The following HLCS variants were observed in gnomAD, a reference collection of about 807,000 sequenced individuals.
The protein encoded by HLCS is holocarboxylase synthetase.
A neutral mutation model predicts 75.0 loss-of-function variants in HLCS; 53 were observed. The ratio of observed to expected loss-of-function variants is 0.71; its 90% CI spans 0.57 to 0.89. HLCS has a LOEUF of 0.89. Among genes scored for constraint, HLCS ranks in the 40% least tolerant of loss-of-function variants. The pLI is 0.00. For missense variants in HLCS, 966 were observed against 1,074.0 expected (o/e 0.90, Z 1.41); for synonymous variants, 431 against 428.6 (o/e 1.01, Z -0.07).
At chr21:36,809,555 C>G (rs1263171596) in intron 6 of HLCS, among the ~76,000 whole-genome samples, 1 of 152,034 alleles carries the variant, frequency 6.6e-6, no homozygotes, top group African/African-American at 2.4e-5. Flanking sequence ...TCTTTTTCCT[C>G]TGTCATTTTC....
intron 6 of HLCS, among the ~76,000 whole-genome samples, chr21:36,884,984 A>G (rs781000589): frequency 6.6e-6 from 1 of 152,224 alleles, no homozygotes; most frequent in Non-Finnish European, 1.5e-5. Context: ...TTACCTGTGA[A>G]AATGATAACT....
chr21:36,961,539 T>G (rs1392874191), intron 2 of HLCS, among the ~76,000 whole-genome samples: 3 of 151,962 alleles, frequency 2.0e-5, no homozygotes, highest in African/African-American at 7.3e-5. Context: ...CAATAAATTT[T>G]TCTAGCAGCC....
chr21:36,983,822 G>A (rs866968529), intron 1 of HLCS, among the ~76,000 whole-genome samples: 2 of 150,690 alleles, frequency 1.3e-5, no homozygotes, highest in African/African-American at 2.4e-5. Context: ...GGGTGACGCA[G>A]AGAGACTCCG....
Position 36,759,714 on chromosome 21 carries a change from T to A in HLCS, c.2236+13A>T, listed in dbSNP as rs776257581. On this transcript the variant is annotated intron_variant, in intron 9 of 10. Coordinates refer to ENST00000674895, the MANE Select transcript of HLCS (RefSeq NM_001352514.2). Reference sequence around the variant, plus strand: ...AATCTAAAAATGCTGGGGGAAAGGTTTTTGAAACTTACCAATAAGTATATA... The same window carrying A: ...AATCTAAAAATGCTGGGGGAAAGGTATTTGAAACTTACCAATAAGTATATA... The A allele has an allele frequency of 1.6e-5, 23 of 1,477,538 alleles. No homozygotes were observed. The highest frequency in any genetic ancestry group is 1.9e-5 in the Non-Finnish European group (20 of 1,055,420). The allele number at this position is 1,477,538 out of a possible 1,614,324, so 91.5% of individuals were successfully genotyped here.
chr21:36,890,800 A>G (rs1601644518), intron 6 of HLCS, among the ~76,000 whole-genome samples: 2 of 152,224 alleles, frequency 1.3e-5, no homozygotes, highest in East Asian at 3.8e-4. Context: ...TTGAGTAAGC[A>G]CTGAAACAAA....
chr21:36,908,294 T>A (rs772480112), intron 5 of HLCS, among the ~76,000 whole-genome samples: 1 of 151,270 alleles, frequency 6.6e-6, no homozygotes, highest in Non-Finnish European at 1.5e-5. Flanking sequence ...GAGGTTGAGG[T>A]GGCAGGATCA....
At chr21:36,969,568 C>G (rs1171608009), upstream of HLCS, 3 of 143,568 alleles carry the variant, frequency 2.1e-5, no homozygotes, top group Admixed American at 7.7e-5. Flanking sequence ...GAAAATAAGA[C>G]CACAGACTAG....
intron 9 of HLCS, among the ~76,000 whole-genome samples, chr21:36,758,534 C>T (rs1406428466): frequency 6.6e-6 from 1 of 152,142 alleles, no homozygotes; most frequent in African/African-American, 2.4e-5. Context: ...GCCTCAGTCT[C>T]GCAAGTAGCT....
chr21:36,851,079 C>T (rs536196386), intron 6 of HLCS, among the ~76,000 whole-genome samples: 1 of 152,194 alleles, frequency 6.6e-6, no homozygotes, highest in South Asian at 2.1e-4. Flanking sequence ...CCCCTCCCTC[C>T]ATGGAAAAAC....
chr21:36,810,872 A>T (rs771623084), intron 6 of HLCS, among the ~76,000 whole-genome samples: 2 of 152,206 alleles, frequency 1.3e-5, no homozygotes, highest in Non-Finnish European at 1.5e-5. Flanking sequence ...AAGATCCAAG[A>T]GGCCCTGTCA....
intron 5 of HLCS, among the ~76,000 whole-genome samples, chr21:36,897,548 G>A (rs2065062947): frequency 6.6e-6 from 1 of 152,126 alleles, no homozygotes; most frequent in African/African-American, 2.4e-5. Context: ...AGAAAACCCT[G>A]GGTGAAAGAA....
intron 4 of HLCS, among the ~76,000 whole-genome samples, chr21:36,932,599 T>C (rs1247048258): frequency 6.6e-6 from 1 of 152,220 alleles, no homozygotes; most frequent in Non-Finnish European, 1.5e-5. Context: ...GATCAGATTT[T>C]AAATGAGCAT....
At chr21:36,875,355 G>A (rs2063928478) in intron 6 of HLCS, among the ~76,000 whole-genome samples, 1 of 152,174 alleles carries the variant, frequency 6.6e-6, no homozygotes, top group African/African-American at 2.4e-5. Context: ...GGACCAGCCA[G>A]GGACACCCAA....
At chr21:36,925,811 A>G (rs2066378980) in intron 5 of HLCS, among the ~76,000 whole-genome samples, 2 of 152,266 alleles carry the variant, frequency 1.3e-5, no homozygotes. Flanking sequence ...AAACAGAAAC[A>G]AGGCAGCTAG....
chr21:36,970,145 A>T (rs193230439), upstream of HLCS, among the ~76,000 whole-genome samples: 1 of 152,252 alleles, frequency 6.6e-6, no homozygotes, highest in African/African-American at 2.4e-5. Context: ...GGGAAAGCCT[A>T]TCATACTGAC....
intron 1 of HLCS, among the ~76,000 whole-genome samples, chr21:36,987,737 C>T (rs2069253842): frequency 6.6e-6 from 1 of 152,164 alleles, no homozygotes; most frequent in South Asian, 2.1e-4. Context: ...TGGAGCTCTT[C>T]TTTGCCTTCC....
intron 6 of HLCS, among the ~76,000 whole-genome samples, chr21:36,776,351 G>C (rs1446771811): frequency 6.6e-6 from 1 of 151,830 alleles, no homozygotes; most frequent in Non-Finnish European, 1.5e-5. Context: ...TAAAACCCAG[G>C]GTTTATCTTA....
chr21:36,781,740 C>G (rs951150608), intron 6 of HLCS, among the ~76,000 whole-genome samples: 1 of 152,030 alleles, frequency 6.6e-6, no homozygotes, highest in African/African-American at 2.4e-5. Context: ...ACCTTTAGTA[C>G]AATGCCAAAC....
chr21:36,823,303 T>C (rs1448735343), intron 6 of HLCS, among the ~76,000 whole-genome samples: 2 of 152,204 alleles, frequency 1.3e-5, no homozygotes, highest in African/African-American at 2.4e-5. Flanking sequence ...CTGTGAAATA[T>C]GGAATTACTC....
Sources: allele counts gnomAD v4.1 joint callset (sites outside exome capture counted in the v4.1 genomes callset), GRCh38; gene constraint gnomAD v4.1.1; transcripts MANE v1.5; gene names NCBI Gene and HGNC (gene_info 2026-07-23, HGNC 2026-07-21).